Variants in ACTR3C observed in about 807,000 individuals in gnomAD.
ACTR3C encodes actin related protein 3C.
ACTR3C carries 18 observed loss-of-function variants against 26.3 expected under a neutral mutation model. That is an observed-to-expected ratio of 0.68 (90% CI 0.47 to 1.01). The LOEUF is 1.01. Ranked by LOEUF, ACTR3C falls within the 50% of genes least tolerant of loss-of-function variation. ACTR3C has a pLI of 0.00. For missense variants in ACTR3C, 184 were observed against 250.7 expected (o/e 0.73, Z 1.80); for synonymous variants, 55 against 94.5 (o/e 0.58, Z 2.42).
chr7:150,160,330 T>A, the ACTR3C span, among the ~76,000 whole-genome samples: 1 of 152,142 alleles, frequency 6.6e-6, no homozygotes, highest in Non-Finnish European at 1.5e-5. Flanking sequence ...CAGATTTCCC[T>A]GGTAGTTTTT....
the ACTR3C span, among the ~76,000 whole-genome samples, chr7:150,209,722 T>TACACACACAC: frequency 0.015 from 1,918 of 129,250 alleles, 19 homozygotes; most frequent in African/African-American, 0.019. Flanking sequence ...CTACTAAAAA[T>TACACACACAC]ACACACACAC....
At chr7:149,967,028 A>ATTTTTTTTTTTTTTT in the ACTR3C span, among the ~76,000 whole-genome samples, 8 of 64,716 alleles carry the variant, frequency 1.2e-4, 3 homozygotes, top group Admixed American at 5.5e-4. Context: ...TGCACAGCTA[A>ATTTTTTTTTTTTTTT]TTTTTTTTTT....
At chr7:150,166,475 G>A in the ACTR3C span, among the ~76,000 whole-genome samples, 1 of 150,932 alleles carries the variant, frequency 6.6e-6, no homozygotes, top group Non-Finnish European at 1.5e-5. Context: ...GAGGAGGGTA[G>A]ATCACTTGAG....
the ACTR3C span, among the ~76,000 whole-genome samples, chr7:149,981,010 G>A: frequency 0.22 from 30,559 of 141,648 alleles, 4,124 homozygotes; most frequent in African/African-American, 0.38. Context: ...AAAGTAAACT[G>A]GTCAGCTCTG....
chr7:150,168,214 G>A, the ACTR3C span, among the ~76,000 whole-genome samples: 1 of 150,840 alleles, frequency 6.6e-6, no homozygotes, highest in South Asian at 2.1e-4. Flanking sequence ...AGCAAGCAAA[G>A]CTTCATCTGT....
the ACTR3C span, among the ~76,000 whole-genome samples, chr7:150,039,183 C>CT: frequency 6.8e-6 from 1 of 147,774 alleles, no homozygotes; most frequent in African/African-American, 2.5e-5. Flanking sequence ...TCAGTCCCCG[C>CT]CTCGCGGGGG....
chr7:150,042,064 G>A, the ACTR3C span, among the ~76,000 whole-genome samples: 4 of 102,904 alleles, frequency 3.9e-5, no homozygotes, highest in Non-Finnish European at 6.4e-5. Flanking sequence ...AGCCAGGGGG[G>A]GATGAGGGTC....
the ACTR3C span, among the ~76,000 whole-genome samples, chr7:150,236,617 G>C: frequency 0.22 from 32,937 of 151,712 alleles, 5,662 homozygotes; most frequent in African/African-American, 0.47. Context: ...TGAAAGACCA[G>C]TGATTACATA....
the ACTR3C span, among the ~76,000 whole-genome samples, chr7:149,938,086 G>A: frequency 2.0e-5 from 3 of 152,190 alleles, no homozygotes; most frequent in African/African-American, 7.2e-5. Context: ...TGGGCAAGAG[G>A]TTGAGGGATT....
the ACTR3C span, among the ~76,000 whole-genome samples, chr7:150,139,238 G>A: frequency 7.6e-4 from 116 of 152,330 alleles, no homozygotes; most frequent in Admixed American, 1.8e-3. Context: ...TAAACTCACA[G>A]ACAGCAGCGA....
At chr7:150,309,011 G>C (rs1584987265) in intron 1 of ACTR3C, among the ~76,000 whole-genome samples, 1 of 152,118 alleles carries the variant, frequency 6.6e-6, no homozygotes. Flanking sequence ...CGTCTCCCCA[G>C]ATGAGCGGGA....
chr7:150,182,419 T>G, the ACTR3C span, among the ~76,000 whole-genome samples: 3 of 150,974 alleles, frequency 2.0e-5, 1 homozygote, highest in African/African-American at 7.5e-5. Flanking sequence ...TTACTTTAAA[T>G]TGTGTTATTC....
the ACTR3C span, among the ~76,000 whole-genome samples, chr7:150,176,833 T>C: frequency 1.3e-5 from 2 of 150,946 alleles, no homozygotes; most frequent in Non-Finnish European, 2.9e-5. Context: ...TTTAAAAACA[T>C]TTCATATAAT....
chr7:149,915,841 A>G, the ACTR3C span, among the ~76,000 whole-genome samples: 1 of 150,584 alleles, frequency 6.6e-6, no homozygotes, highest in Non-Finnish European at 1.5e-5. Flanking sequence ...TCGGTGAAGC[A>G]CTATAATAGC....
intron 1 of ACTR3C, among the ~76,000 whole-genome samples, chr7:150,314,836 C>T (rs1225474933): frequency 6.7e-6 from 1 of 149,758 alleles, no homozygotes; most frequent in Non-Finnish European, 1.5e-5. Flanking sequence ...CCTGTAGTCC[C>T]AGCTACTCAC....
At chr7:150,287,919 T>C (rs1326582431) in intron 4 of ACTR3C, among the ~76,000 whole-genome samples, 2 of 144,244 alleles carry the variant, frequency 1.4e-5, no homozygotes, top group African/African-American at 5.5e-5. Context: ...AATGTTTCCA[T>C]TGAGTTGGGT....
chr7:150,008,037 T>C, the ACTR3C span, among the ~76,000 whole-genome samples: 1 of 152,208 alleles, frequency 6.6e-6, no homozygotes. Context: ...CAGCAGTCTC[T>C]ATTTGAACGT....
At chr7:149,945,414 G>C in the ACTR3C span, among the ~76,000 whole-genome samples, 19 of 152,214 alleles carry the variant, frequency 1.2e-4, no homozygotes, top group African/African-American at 4.6e-4. Flanking sequence ...TGATGGCGGG[G>C]CATTGCCTGT....
At chr7:150,270,623 C>T (rs1444635008) in intron 6 of ACTR3C, among the ~76,000 whole-genome samples, 2 of 152,034 alleles carry the variant, frequency 1.3e-5, no homozygotes, top group Non-Finnish European at 2.9e-5. Flanking sequence ...CCCCCCCGCC[C>T]TGCAGCCCAT....
Sources: gnomAD v4.1 joint callset for allele counts (sites outside exome capture counted in the v4.1 genomes callset) on GRCh38, gnomAD v4.1.1 for gene constraint, MANE v1.5 for transcripts, NCBI Gene and HGNC (gene_info 2026-07-23, HGNC 2026-07-21) for gene names.